The following SLC25A36 variants were observed in gnomAD, a reference collection of about 807,000 sequenced individuals.
The protein encoded by SLC25A36 is epididymis secretory sperm binding protein.
A neutral mutation model predicts 35.3 loss-of-function variants in SLC25A36; 24 were observed. The ratio of observed to expected loss-of-function variants is 0.68; its 90% CI spans 0.49 to 0.96. The LOEUF (loss-of-function observed/expected upper bound fraction) is 0.96. SLC25A36 is among the 40% of genes least tolerant of loss of function. The probability of loss-of-function intolerance (pLI) is 0.00; values close to 1 mark genes in which losing one functional copy is unlikely to be tolerated. For synonymous variants in SLC25A36, 141 were observed against 132.2 expected (o/e 1.07, Z -0.46); for missense variants, 294 against 381.1 (o/e 0.77, Z 1.90).
chr3:140,958,702 G>C (rs1422605995), intron 2 of SLC25A36, among the ~76,000 whole-genome samples: 2 of 152,102 alleles, frequency 1.3e-5, no homozygotes, highest in African/African-American at 4.8e-5. Context: ...GTCCAATGTT[G>C]AGTAAAAGAC....
chr3:140,948,578 A>T (rs146677134), intron 1 of SLC25A36, among the ~76,000 whole-genome samples: 1 of 152,238 alleles, frequency 6.6e-6, no homozygotes, highest in Non-Finnish European at 1.5e-5. Context: ...TGCTTTATAA[A>T]GCTAAACACT....
intron 3 of SLC25A36, among the ~76,000 whole-genome samples, chr3:140,960,054 T>C (rs907636989): frequency 4.0e-4 from 61 of 152,174 alleles, no homozygotes; most frequent in African/African-American, 1.4e-3. Context: ...TATATCTTTA[T>C]ATTGCATAGA....
At chr3:140,950,347 G>A (rs1934286589) in intron 1 of SLC25A36, among the ~76,000 whole-genome samples, 1 of 138,502 alleles carries the variant, frequency 7.2e-6, no homozygotes. Context: ...GTTTTCATAT[G>A]GTCAGCTGTG....
chr3:140,948,163 C>T (rs549709384), intron 1 of SLC25A36, among the ~76,000 whole-genome samples: 30 of 152,306 alleles, frequency 2.0e-4, no homozygotes, highest in South Asian at 1.0e-3. Context: ...CCATGTTGGT[C>T]AGGCTGGTCT....
At position 140,976,085 on chromosome 3, in the gene SLC25A36, A is replaced by G. The variant is rs576484013; in HGVS notation, c.743-175A>G. 6.6e-5 allele frequency among the ~76,000 whole-genome samples: 10 copies of G among 152,320 alleles called. No individual in the cohort carries two copies. The East Asian group carries it at 1.2e-3, about 18-fold the overall frequency. ...ATAATTAATGTACATGATTTTGGCC[A>G]TATTAGAAGTTTGATGTTACTATAA... On this transcript the variant is annotated intron_variant, in intron 6 of 6. Transcript: ENST00000324194.
intron 2 of SLC25A36, chr3:140,956,944 TC>T: frequency 2.2e-6 from 1 of 451,030 alleles, no homozygotes; most frequent in Non-Finnish European, 3.3e-6. Flanking sequence ...TGGAGTTTTT[TC>T]TAAAGCTATT....
chr3:140,958,763 T>C (rs1319497329), intron 2 of SLC25A36, among the ~76,000 whole-genome samples: 2 of 152,142 alleles, frequency 1.3e-5, no homozygotes, highest in Admixed American at 1.3e-4. Context: ...GTTATTAAGC[T>C]TTCAATTTGC....
chr3:140,942,386 G>T (rs1477701123), intron 1 of SLC25A36: 2 of 297,820 alleles, frequency 6.7e-6, no homozygotes, highest in African/African-American at 2.2e-5. Context: ...GAGGTTTTGG[G>T]CCCGCGGGGC....
chr3:140,949,369 A>G (rs1934254710), intron 1 of SLC25A36, among the ~76,000 whole-genome samples: 1 of 152,254 alleles, frequency 6.6e-6, no homozygotes, highest in African/African-American at 2.4e-5. Context: ...TGACTTGATA[A>G]ACTTACTGTA....
chr3:140,961,578 G>A (rs142707745), intron 3 of SLC25A36, among the ~76,000 whole-genome samples: 30 of 152,004 alleles, frequency 2.0e-4, no homozygotes, highest in African/African-American at 6.8e-4. Context: ...AATATTGACC[G>A]GGCAGAGTGG....
intron 4 of SLC25A36, chr3:140,968,696 T>TG (rs1258680287): frequency 3.0e-6 from 3 of 984,024 alleles, no homozygotes; most frequent in Non-Finnish European, 3.6e-6. Context: ...CAAATTCTTT[T>TG]GTGACTTGGA....
intron 1 of SLC25A36, among the ~76,000 whole-genome samples, chr3:140,951,088 T>C (rs903612140): frequency 2.0e-5 from 3 of 152,178 alleles, no homozygotes; most frequent in Non-Finnish European, 4.4e-5. Context: ...AGGGAAAAAC[T>C]GCTGCTTTTT....
rs760143442 is a variant in SLC25A36 at position 140,974,008 on chromosome 3, A to G, written c.742+3A>G. 4.6e-6 allele frequency: 7 copies of G among 1,515,512 alleles called. No homozygotes were observed. The East Asian group carries it at 1.6e-4, about 35-fold the overall frequency. 93.9% of individuals were successfully genotyped at this position (1,515,512 alleles called of 1,614,324 possible). ...CACAACTATAGCATATCCACATGGT[A>G]AGAAGAGTTATCTATTAAATCAGAA... On this transcript the variant is annotated splice_donor_region_variant and intron_variant, in intron 6 of 6. Coordinates refer to ENST00000324194, the MANE Select transcript of SLC25A36 (RefSeq NM_001104647.3).
chr3:140,959,363 T>G (rs192069293), intron 2 of SLC25A36, 100 bp from the exon 3 acceptor site: 2 of 727,048 alleles, frequency 2.8e-6, no homozygotes, highest in Admixed American at 4.0e-5. Context: ...CACAACATAA[T>G]ACAAATGTAC....
intron 6 of SLC25A36, among the ~76,000 whole-genome samples, chr3:140,974,314 A>G (rs1401384696): frequency 1.3e-5 from 2 of 152,074 alleles, no homozygotes; most frequent in South Asian, 2.1e-4. Flanking sequence ...GTGCTATACT[A>G]GATAGTTTAC....
chr3:140,944,145 T>G (rs1576474253), intron 1 of SLC25A36, among the ~76,000 whole-genome samples: 1 of 152,238 alleles, frequency 6.6e-6, no homozygotes, highest in African/African-American at 2.4e-5. Context: ...GCCCAGTATA[T>G]TTTAAAAGAA....
chr3:140,965,725 G>T lies in SLC25A36; in HGVS notation c.385+2498G>T, dbSNP rs137901675. On this transcript the variant is annotated intron_variant, in intron 4 of 6. Coordinates refer to ENST00000324194, the MANE Select transcript of SLC25A36 (RefSeq NM_001104647.3). The stretch of plus-strand genomic sequence containing the variant: ...ATTAAAAATTTGTTTCAGTTGTGAG[G>T]ATATTTAATCAGATTAAATAATGTT... 569 of 151,778 alleles carry T rather than the reference G, an allele frequency of 3.7e-3. 5 individuals are homozygous for T. The highest frequency in any genetic ancestry group is 0.013 in the African/African-American group (546 of 41,472). 9.4% of individuals were successfully genotyped at this position (151,778 alleles called of 1,614,324 possible). A position where few individuals can be genotyped will look rare whatever the true frequency, so the allele number is the denominator to read the frequency against.
chr3:140,959,107 C>A (rs1196097322), intron 2 of SLC25A36, among the ~76,000 whole-genome samples: 1 of 150,770 alleles, frequency 6.6e-6, no homozygotes. Context: ...TCTCCGCCTT[C>A]CAAATTCAAG....
At chr3:140,954,006 G>A (rs1934408460) in intron 1 of SLC25A36, among the ~76,000 whole-genome samples, 1 of 152,084 alleles carries the variant, frequency 6.6e-6, no homozygotes, top group South Asian at 2.1e-4. Flanking sequence ...AACAGTTTTT[G>A]TTATTCCAAG....
Sources: gnomAD v4.1 joint callset for allele counts (sites outside exome capture counted in the v4.1 genomes callset) on GRCh38, gnomAD v4.1.1 for gene constraint, MANE v1.5 for transcripts, NCBI Gene and HGNC (gene_info 2026-07-23, HGNC 2026-07-21) for gene names.